The following GRAMD2A variants were observed in gnomAD, a reference collection of about 807,000 sequenced individuals.
The protein encoded by GRAMD2A is GRAM domain containing 2A.
In GRAMD2A, 37 loss-of-function variants were observed where a neutral mutation model predicts 51.1. The observed-to-expected ratio is 0.72, with a 90% confidence interval of 0.56 to 0.95. GRAMD2A has a LOEUF of 0.95. Among genes scored for constraint, GRAMD2A ranks in the 40% least tolerant of loss-of-function variants. The pLI is 0.00. For synonymous variants in GRAMD2A, 136 were observed against 157.1 expected (o/e 0.87, Z 1.01); for missense variants, 414 against 426.9 (o/e 0.97, Z 0.27).
At position 72,170,473 on chromosome 15, in the gene GRAMD2A, G is replaced by A. The variant is rs2081599496; in HGVS notation, c.42-534C>T. 3 of 452,150 alleles carry A rather than the reference G, an allele frequency of 6.6e-6. No homozygotes were observed. Among genetic ancestry groups the A allele is most frequent in the Non-Finnish European group, 8.9e-6 (2 of 224,638 alleles). 28.0% of individuals were successfully genotyped at this position (452,150 alleles called of 1,614,324 possible). On this transcript the variant is annotated intron_variant, in intron 1 of 11. Transcript: ENST00000309731. The surrounding 1 kb of genome is among the most constrained non-coding windows in gnomAD (Gnocchi z 4.5). ...TCAGCCTACAGGTGAGTGTGGCCAGGAGGGGAGGAGCCGTCTTATACCAGG... is the reference window on the plus strand; with the variant it reads ...TCAGCCTACAGGTGAGTGTGGCCAGAAGGGGAGGAGCCGTCTTATACCAGG...
intron 1 of GRAMD2A, among the ~76,000 whole-genome samples, chr15:72,180,245 C>A (rs559346775): frequency 6.6e-6 from 1 of 152,362 alleles, no homozygotes; most frequent in South Asian, 2.1e-4. Context: ...AGTGCCCTGC[C>A]GGCTGCTGGC....
chr15:72,179,727 GC>G (rs1184903145), intron 1 of GRAMD2A, among the ~76,000 whole-genome samples: 1 of 152,210 alleles, frequency 6.6e-6, no homozygotes, highest in Non-Finnish European at 1.5e-5. Context: ...CCATAACCCT[GC>G]CCATTGAGCA....
chr15:72,191,684 C>A (rs1388899201), intron 1 of GRAMD2A, among the ~76,000 whole-genome samples: 1 of 152,064 alleles, frequency 6.6e-6, no homozygotes, highest in Non-Finnish European at 1.5e-5. Context: ...GCACACAATA[C>A]CATCAGAATC....
At chr15:72,169,679 C>T (rs145371593) in intron 2 of GRAMD2A, 168 bp downstream of exon 2, 1 of 699,414 alleles carries the variant, frequency 1.4e-6, no homozygotes, top group Non-Finnish European at 2.6e-6. Flanking sequence ...TGCACTGGGA[C>T]AGTCTTGAGG....
At chr15:72,185,068 A>C (rs2081725330) in intron 1 of GRAMD2A, among the ~76,000 whole-genome samples, 1 of 152,206 alleles carries the variant, frequency 6.6e-6, no homozygotes, top group African/African-American at 2.4e-5. Flanking sequence ...GCTACCTCCC[A>C]AACGACTGAT....
Position 72,162,338 on chromosome 15 carries a change from G to T in GRAMD2A, c.996C>A (p.Phe332Leu). Reference sequence around the variant, plus strand: ...ACTGCTGCTCTAGCCGAGAAATACGGAACGCCAGGTAGGATGAGGACATGA... The same window carrying T: ...ACTGCTGCTCTAGCCGAGAAATACGTAACGCCAGGTAGGATGAGGACATGA... Reference protein sequence around the residue: ...FLVMSSSYLAFRISRLEQQLC... With the variant: ...FLVMSSSYLALRISRLEQQLC... Residue 332 changes from phenylalanine to leucine, a missense_variant, in exon 11 of 12, where the codon TTC (phenylalanine) becomes TTA (leucine). Transcript: ENST00000309731. 6.2e-7 allele frequency: 1 copy of T among 1,614,148 alleles called. No homozygotes were observed. Among genetic ancestry groups the T allele is most frequent in the South Asian group, 1.1e-5 (1 of 91,074 alleles).
At chr15:72,180,502 C>T (rs555746276) in intron 1 of GRAMD2A, among the ~76,000 whole-genome samples, 12 of 152,266 alleles carry the variant, frequency 7.9e-5, no homozygotes, top group South Asian at 2.1e-4. Context: ...GCCGCTCAGA[C>T]GCCCCCACTC....
intron 1 of GRAMD2A, among the ~76,000 whole-genome samples, chr15:72,188,915 C>G (rs868475084): frequency 2.6e-4 from 39 of 152,146 alleles, no homozygotes; most frequent in African/African-American, 8.9e-4. Flanking sequence ...AACTGTTGAC[C>G]TCAGGTGATC....
chr15:72,184,233 CA>C (rs2081719096), intron 1 of GRAMD2A, among the ~76,000 whole-genome samples: 1 of 152,268 alleles, frequency 6.6e-6, no homozygotes, highest in Non-Finnish European at 1.5e-5. Context: ...CTAGCACAGG[CA>C]AGAGCCACAA....
intron 1 of GRAMD2A, among the ~76,000 whole-genome samples, chr15:72,196,235 C>T (rs1053729725): frequency 1.3e-5 from 2 of 151,994 alleles, no homozygotes; most frequent in South Asian, 2.1e-4. Context: ...GGGCCAGGCA[C>T]GTGGCTCACA....
chr15:72,172,403 G>A (rs929969824), intron 1 of GRAMD2A, among the ~76,000 whole-genome samples: 25 of 148,984 alleles, frequency 1.7e-4, no homozygotes, highest in Admixed American at 2.7e-4. Context: ...ACAGGTGTGA[G>A]CCACCATGCC....
At position 72,193,631 on chromosome 15, in the gene GRAMD2A, T is replaced by A. The variant is rs374487173; in HGVS notation, c.41+4100A>T. On this transcript the variant is annotated intron_variant, in intron 1 of 11. Coordinates refer to ENST00000309731, the MANE Select transcript of GRAMD2A (RefSeq NM_001012642.3). ...TCCGCCTCCCAGGTTCACGCCAGTC[T>A]CCTGCCACAGCCTCCCGAGTAGCTG... 5.6e-4 allele frequency among the ~76,000 whole-genome samples: 85 copies of A among 152,188 alleles called. No individual in the cohort carries two copies. In the East Asian group the frequency reaches 0.013, roughly 24 times the overall value.
chr15:72,193,511 C>T (rs1374979779), intron 1 of GRAMD2A, among the ~76,000 whole-genome samples: 2 of 151,622 alleles, frequency 1.3e-5, no homozygotes, highest in African/African-American at 2.4e-5. Flanking sequence ...AGCCACCACA[C>T]CCGGCTTGTG....
intron 1 of GRAMD2A, among the ~76,000 whole-genome samples, chr15:72,182,655 A>C (rs774246910): frequency 1.1e-4 from 16 of 152,190 alleles, no homozygotes; most frequent in Non-Finnish European, 1.9e-4. Flanking sequence ...GAACCCTTAT[A>C]ATCTTGAGGA....
At position 72,167,089 on chromosome 15, in the gene GRAMD2A, C is replaced by G; in HGVS notation, c.376G>C (p.Val126Leu). 6.2e-7 allele frequency: 1 copy of G among 1,611,420 alleles called. No individual in the cohort carries two copies. Residue 126 changes from valine (V) to leucine (L), a missense_variant, in exon 6 of 12, where the codon GTC becomes CTC. Val to Leu is a conservative substitution (Grantham distance 32). Transcript: ENST00000309731. Reference protein sequence around the residue: ...ASLFGKDIKVVIPVVSVQMIK... With the variant: ...ASLFGKDIKVLIPVVSVQMIK... ...ATTTGCACAGACACCACAGGAATGA[C>G]CACCTGAGAGGGAGAGGGATGCTTC...
At position 72,165,403 on chromosome 15, in the gene GRAMD2A, C is replaced by G. The variant is rs1340747863; in HGVS notation, c.551G>C (p.Ser184Thr). Residue 184 changes from serine (S) to threonine (T), a missense_variant, in exon 8 of 12, where the codon AGC (serine) becomes ACC (threonine). Physicochemically the swap from Ser to Thr is moderately conservative, Grantham distance 58. Coordinates refer to ENST00000309731, the MANE Select transcript of GRAMD2A (RefSeq NM_001012642.3). ...RRVCTHLQPS[S>T]KKSLSVREFS... ...TTCTCTTACACTCAGACTCTTCTTG[C>G]TGGAAGGCTGAGGAGGAAAGGGAAC... 1 of 1,613,910 alleles carries G rather than the reference C, an allele frequency of 6.2e-7. No individual in the cohort carries two copies. The highest frequency in any genetic ancestry group is 8.5e-7 in the Non-Finnish European group (1 of 1,179,982).
At position 72,170,531 on chromosome 15, in the gene GRAMD2A, AGCTTGAT is replaced by A. The variant is rs2081600172; in HGVS notation, c.42-599_42-593del. On this transcript the variant is annotated intron_variant, in intron 1 of 11. Transcript: ENST00000309731. The surrounding 1 kb of genome is among the most constrained non-coding windows in gnomAD (Gnocchi z 4.5). ...CTCAGCCACCTTGGACAGTCAGGAC[AGCTTGAT>A]GATGAGAGCCAAACCATCTCAAAAA... Among the ~76,000 whole-genome samples the A allele has an allele frequency of 6.6e-6, 1 of 152,184 alleles. No homozygotes were observed. The highest frequency in any genetic ancestry group is 2.1e-4 in the South Asian group (1 of 4,822).
chr15:72,169,481 G>A (rs1283713237), intron 2 of GRAMD2A: 1 of 529,226 alleles, frequency 1.9e-6, no homozygotes, highest in East Asian at 5.0e-5. Flanking sequence ...CCTCCTTCCT[G>A]TGGCCTGAGC....
At chr15:72,167,868 A>G (rs1265571777) in intron 4 of GRAMD2A, 29 bp from the exon 5 acceptor site, 2 of 1,549,208 alleles carry the variant, frequency 1.3e-6, no homozygotes. Context: ...GAAAATGGCC[A>G]TAAGCAAGGT....
Sources: allele counts gnomAD v4.1 joint callset (sites outside exome capture counted in the v4.1 genomes callset), GRCh38; gene constraint gnomAD v4.1.1; non-coding constraint Gnocchi (gnomAD v3.1); transcripts MANE v1.5; gene names NCBI Gene and HGNC (gene_info 2026-07-23, HGNC 2026-07-21).